Variants in MTBP observed in about 807,000 individuals in gnomAD.
MTBP encodes MDM2 binding protein, also known as mdm2-binding protein.
Under a neutral mutation model 117.0 loss-of-function variants are expected in MTBP, and 101 were observed. That is an observed-to-expected ratio of 0.86 (90% CI 0.73 to 1.02). The LOEUF (loss-of-function observed/expected upper bound fraction) is 1.02. MTBP is among the 50% of genes least tolerant of loss of function. The pLI is 0.00. For missense variants in MTBP, 970 were observed against 1,030.9 expected, an observed-to-expected ratio of 0.94 and a Z score of 0.81; for synonymous variants, 350 against 351.5, an observed-to-expected ratio of 1.00 and a Z score of 0.05.
In MTBP at chr8:120,470,839, T is replaced by G. The variant is rs1433339721; in HGVS notation, c.1067T>G (p.Leu356Trp). 1 of 1,608,298 alleles carries G rather than the reference T, an allele frequency of 6.2e-7. No individual in the cohort carries two copies. The highest frequency in any genetic ancestry group is 2.2e-5 in the East Asian group (1 of 44,748). Reference sequence around the variant, plus strand: ...ATTCAGGTTGGTGCTCTTTTTGTATTGCCATGTACCATTAGTAACATACTG... The same window carrying G: ...ATTCAGGTTGGTGCTCTTTTTGTATGGCCATGTACCATTAGTAACATACTG... The part of the protein sequence containing the change: ...LCSKVGALFV[L>W]PCTISNILIP... The change falls in exon 11 of 22, where the codon TTG becomes TGG. Residue 356 changes from leucine (L) to tryptophan (W), a missense_variant. Coordinates refer to ENST00000305949, the MANE Select transcript of MTBP (RefSeq NM_022045.5).
intron 13 of MTBP, among the ~76,000 whole-genome samples, chr8:120,493,883 C>T (rs868598219): frequency 1.8e-4 from 28 of 152,268 alleles, no homozygotes; most frequent in Admixed American, 6.5e-4. Flanking sequence ...ACCAAACCAT[C>T]GGTAACTTTT....
intron 16 of MTBP, among the ~76,000 whole-genome samples, chr8:120,507,891 T>TC (rs1228457748): frequency 3.9e-5 from 6 of 152,152 alleles, no homozygotes; most frequent in Non-Finnish European, 7.4e-5. Flanking sequence ...TATTTAGTTA[T>TC]TGGATTACTG....
chr8:120,509,985 C>G lies in MTBP; in HGVS notation c.1935C>G (p.Val645=). 6.2e-7 allele frequency: 1 copy of G among 1,612,490 alleles called. No individual in the cohort carries two copies. The highest frequency in any genetic ancestry group is 1.3e-5 in the African/African-American group (1 of 74,988). ...TPELSPGKLQ[V]LPFEKASVCH... ...AACTTAGTCCTGGGAAACTTCAGGT[C>G]TTACCTTTTGAGAAAGCCTCAGTAT... The change falls in exon 17 of 22, where the codon GTC becomes GTG. Residue 645 remains valine, a synonymous_variant. Coordinates refer to ENST00000305949, the MANE Select transcript of MTBP (RefSeq NM_022045.5).
chr8:120,478,293 A>G (rs922831627), intron 11 of MTBP, among the ~76,000 whole-genome samples: 6 of 152,050 alleles, frequency 3.9e-5, no homozygotes, highest in Admixed American at 2.0e-4. Flanking sequence ...TAGGAGAAAT[A>G]CCTAATGTAG....
intron 11 of MTBP, among the ~76,000 whole-genome samples, chr8:120,487,456 A>G (rs1427333645): frequency 6.6e-6 from 1 of 152,162 alleles, no homozygotes; most frequent in African/African-American, 2.4e-5. Context: ...GATTTATGCT[A>G]TTTTTAAGAT....
chr8:120,487,873 G>A (rs1014510559), intron 11 of MTBP, among the ~76,000 whole-genome samples: 1 of 152,170 alleles, frequency 6.6e-6, no homozygotes, highest in Admixed American at 6.5e-5. Flanking sequence ...CATTATTGAT[G>A]TGGTTATTTA....
rs998883278 is a variant in MTBP at position 120,459,111 on chromosome 8, T to A, written c.748-104T>A. On this transcript the variant is annotated intron_variant, in intron 7 of 21. Coordinates refer to ENST00000305949, the MANE Select transcript of MTBP (RefSeq NM_022045.5). Reference sequence around the variant, plus strand: ...TTGAGCTGAGGAATCAAAAATAAATTTATACATGGATTTCCCCTCAACTTT... The same window carrying A: ...TTGAGCTGAGGAATCAAAAATAAATATATACATGGATTTCCCCTCAACTTT... 6.1e-6 allele frequency: 6 copies of A among 982,630 alleles called. No homozygotes were observed. In the African/African-American group the frequency reaches 8.5e-5, roughly 14 times the overall value. The allele number at this position is 982,630 out of a possible 1,614,324, so 60.9% of individuals were successfully genotyped here.
rs74340024 is a variant in MTBP, at chr8:120,456,393, A to G, written c.630-160A>G. Reference sequence around the variant, plus strand: ...GGGACTAAATGAACATGTGTCAGCAATGCACTTAGAGACTGACTTAATGGG... The same window carrying G: ...GGGACTAAATGAACATGTGTCAGCAGTGCACTTAGAGACTGACTTAATGGG... On this transcript the variant is annotated intron_variant, in intron 6 of 21. Coordinates refer to ENST00000305949, the MANE Select transcript of MTBP (RefSeq NM_022045.5). Among the ~76,000 whole-genome samples the G allele has an allele frequency of 1.6e-3, 238 of 152,288 alleles. 1 individual carries two copies. Among genetic ancestry groups the G allele is most frequent in the Non-Finnish European group, 2.4e-3 (162 of 67,978 alleles).
chr8:120,523,509 C>G lies in MTBP; in HGVS notation c.*173C>G, dbSNP rs373055678. ...CTATATTTGTATAGTTTGAGGGATG[C>G]TATGTTAATGTATTTTTAATTAGAT... On this transcript the variant is annotated 3_prime_UTR_variant, in exon 22 of 22. Transcript: ENST00000305949. 4 of 352,036 alleles carry G rather than the reference C, an allele frequency of 1.1e-5. No homozygotes were observed. The highest frequency in any genetic ancestry group is 8.6e-5 in the East Asian group (2 of 23,298). The allele number at this position is 352,036 out of a possible 1,614,324, so 21.8% of individuals were successfully genotyped here. A position where few individuals can be genotyped will look rare whatever the true frequency, so the allele number is the denominator to read the frequency against.
intron 7 of MTBP, 102 bp from the exon 8 acceptor site, chr8:120,459,113 A>G: frequency 2.0e-6 from 2 of 997,296 alleles, no homozygotes; most frequent in South Asian, 3.3e-5. Flanking sequence ...AAATAAATTT[A>G]TACATGGATT....
chr8:120,465,834 A>G (rs1282801922), intron 10 of MTBP, among the ~76,000 whole-genome samples: 1 of 151,838 alleles, frequency 6.6e-6, no homozygotes, highest in African/African-American at 2.4e-5. Flanking sequence ...TAATTTATAG[A>G]GACTATTTCA....
Position 120,445,428 on chromosome 8 carries a change from T to C in MTBP, c.-43T>C, listed in dbSNP as rs1813200233. On this transcript the variant is annotated 5_prime_UTR_variant, in exon 1 of 22. An upstream start codon of the reference 5' UTR is lost. Transcript: ENST00000305949. ...GCGTCATAGCGCGCGTCTGTTTGGATGTGGAAGCCGAGACCTAAAGTTGGG... is the reference window on the plus strand; with the variant it reads ...GCGTCATAGCGCGCGTCTGTTTGGACGTGGAAGCCGAGACCTAAAGTTGGG... 2 of 1,532,326 alleles carry C rather than the reference T, an allele frequency of 1.3e-6. No individual in the cohort carries two copies. The highest frequency in any genetic ancestry group is 2.7e-5 in the African/African-American group (2 of 73,062). 94.9% of individuals were successfully genotyped at this position (1,532,326 alleles called of 1,614,324 possible).
intron 9 of MTBP, among the ~76,000 whole-genome samples, chr8:120,461,510 T>A (rs1483995947): frequency 6.6e-6 from 1 of 152,136 alleles, no homozygotes; most frequent in Admixed American, 6.6e-5. Context: ...ATCTTTATTT[T>A]TGTTCAGTAT....
Position 120,506,878 on chromosome 8 carries a change from T to C in MTBP, c.1883+17T>C, listed in dbSNP as rs749247369. 7.1e-6 allele frequency: 11 copies of C among 1,547,708 alleles called. No homozygotes were observed. The highest frequency in any genetic ancestry group is 2.3e-5 in the Admixed American group (1 of 44,416). On this transcript the variant is annotated intron_variant, in intron 16 of 21. Coordinates refer to ENST00000305949, the MANE Select transcript of MTBP (RefSeq NM_022045.5). ...TCAAAAGGGGTAGGTTATAAACTTA[T>C]AATTTCCAGTTAACTTTTTAAAAAT...
intron 13 of MTBP, among the ~76,000 whole-genome samples, chr8:120,492,010 A>T (rs1195052237): frequency 1.3e-5 from 2 of 152,054 alleles, no homozygotes; most frequent in Non-Finnish European, 1.5e-5. Flanking sequence ...TGCTAAAAAT[A>T]AAAAAAATTA....
intron 19 of MTBP, 37 bp downstream of exon 19, chr8:120,518,137 A>T: frequency 6.5e-7 from 1 of 1,530,046 alleles, no homozygotes; most frequent in Non-Finnish European, 8.8e-7. Flanking sequence ...AGTTCTACAT[A>T]GGAAGACTTT....
At chr8:120,513,625 T>C (rs1408218065) in intron 17 of MTBP, among the ~76,000 whole-genome samples, 4 of 152,000 alleles carry the variant, frequency 2.6e-5, no homozygotes, top group Non-Finnish European at 5.9e-5. Context: ...GATCAAGAGA[T>C]GTTAAAACCG....
chr8:120,452,057 A>G (rs1300412685), intron 4 of MTBP: 2 of 152,164 alleles, frequency 1.3e-5, no homozygotes, highest in Admixed American at 6.5e-5. Context: ...TGTGAGGATT[A>G]TATGTACATG....
chr8:120,460,281 G>T (rs1256170861), intron 8 of MTBP, among the ~76,000 whole-genome samples: 1 of 152,080 alleles, frequency 6.6e-6, no homozygotes, highest in Non-Finnish European at 1.5e-5. Context: ...TATGAATAAT[G>T]TGTCCAAATT....
Sources: gnomAD v4.1 joint callset for allele counts (sites outside exome capture counted in the v4.1 genomes callset) on GRCh38, gnomAD v4.1.1 for gene constraint, MANE v1.5 for transcripts, NCBI Gene and HGNC (gene_info 2026-07-23, HGNC 2026-07-21) for gene names.